The following IRAK2 variants were observed in gnomAD, a reference collection of about 807,000 sequenced individuals.
IRAK2 encodes interleukin 1 receptor associated kinase 2.
Under a neutral mutation model 72.0 loss-of-function variants are expected in IRAK2, and 57 were observed. The ratio of observed to expected loss-of-function variants is 0.79; its 90% confidence interval spans 0.64 to 0.99. The LOEUF is 0.99. IRAK2 is among the 50% of genes least tolerant of loss of function. The pLI is 0.00. For missense variants in IRAK2, 790 were observed against 794.4 expected (o/e 0.99, Z 0.07); for synonymous variants, 293 against 312.7 (o/e 0.94, Z 0.67).
At chr3:10,216,911 C>T (rs761688489) in intron 6 of IRAK2, 23 bp from the exon 7 acceptor site, 4 of 1,565,076 alleles carry the variant, frequency 2.6e-6, no homozygotes, top group Middle Eastern at 3.3e-4. Flanking sequence ...ACTCCTCACA[C>T]CTGCACTGAC....
intron 10 of IRAK2, among the ~76,000 whole-genome samples, chr3:10,229,706 A>G (rs530523973): frequency 2.4e-4 from 37 of 152,300 alleles, no homozygotes; most frequent in Admixed American, 1.2e-3. Context: ...CATTGTATGG[A>G]TAGATGACTG....
chr3:10,202,554 C>T (rs973299359), intron 3 of IRAK2, among the ~76,000 whole-genome samples: 3 of 152,010 alleles, frequency 2.0e-5, no homozygotes, highest in Admixed American at 1.3e-4. Flanking sequence ...ACCCAGGAGG[C>T]GGAGGTTGCA....
chr3:10,195,635 G>A (rs1559444400), intron 2 of IRAK2, among the ~76,000 whole-genome samples: 1 of 152,070 alleles, frequency 6.6e-6, no homozygotes, highest in Non-Finnish European at 1.5e-5. Flanking sequence ...TGAGAACAAT[G>A]AGGCTCAGCC....
intron 2 of IRAK2, among the ~76,000 whole-genome samples, chr3:10,197,648 C>T (rs529839231): frequency 7.9e-5 from 12 of 151,326 alleles, no homozygotes; most frequent in East Asian, 5.8e-4. Flanking sequence ...GTCAGGAGAT[C>T]GAGACCATCC....
chr3:10,238,860 C>T lies in IRAK2; in HGVS notation c.1586C>T (p.Thr529Ile), dbSNP rs1398471860. 3 of 1,614,124 alleles carry T rather than the reference C, an allele frequency of 1.9e-6. No individual in the cohort carries two copies. Among genetic ancestry groups the T allele is most frequent in the Admixed American group, 3.3e-5 (2 of 60,010 alleles). The change falls in exon 12 of 13, where the codon ACA becomes ATA. Residue 529 changes from threonine to isoleucine, a missense_variant. Transcript: ENST00000256458. ...TCTTCTTCCAACACCCCAGAGGAAA[C>T]AGACGACGTTGACAATTCCAGCCTT... is the stretch of plus-strand genomic sequence containing the variant. ...TGSSSNTPEE[T>I]DDVDNSSLDA...
intron 1 of IRAK2, among the ~76,000 whole-genome samples, chr3:10,167,666 C>G (rs112582329): frequency 1.3e-5 from 2 of 151,824 alleles, no homozygotes; most frequent in African/African-American, 4.8e-5. Flanking sequence ...CCACCTACCT[C>G]GGCTTCCCAA....
intron 1 of IRAK2, among the ~76,000 whole-genome samples, chr3:10,176,472 T>C (rs7432698): frequency 6.6e-6 from 1 of 151,150 alleles, no homozygotes; most frequent in Non-Finnish European, 1.5e-5. Flanking sequence ...GGCTACTTTG[T>C]TTATTTATTT....
intron 11 of IRAK2, among the ~76,000 whole-genome samples, chr3:10,237,541 C>T (rs1479237411): frequency 1.3e-5 from 2 of 152,110 alleles, no homozygotes; most frequent in Non-Finnish European, 2.9e-5. Flanking sequence ...GGTGCGGTGG[C>T]TCACGCCTGT....
chr3:10,177,538 T>G (rs939352639), intron 1 of IRAK2, among the ~76,000 whole-genome samples: 1 of 152,150 alleles, frequency 6.6e-6, no homozygotes, highest in African/African-American at 2.4e-5. Context: ...TAGTACCCAC[T>G]GAGGCTCCCA....
chr3:10,222,433 A>C (rs1697711453), intron 8 of IRAK2, among the ~76,000 whole-genome samples: 1 of 152,118 alleles, frequency 6.6e-6, no homozygotes, highest in Non-Finnish European at 1.5e-5. Context: ...TCTGAACTCC[A>C]TCTCCATTTG....
chr3:10,211,326 G>A (rs986331048), intron 4 of IRAK2, among the ~76,000 whole-genome samples: 9 of 150,176 alleles, frequency 6.0e-5, no homozygotes, highest in Non-Finnish European at 1.3e-4. Context: ...ATTTTTAGTA[G>A]AGACACGGTT....
chr3:10,167,445 C>T lies in IRAK2; in HGVS notation c.94+2397C>T, dbSNP rs554209384. Among the ~76,000 whole-genome samples, 115 of 150,688 alleles carry T rather than the reference C, an allele frequency of 7.6e-4. 3 individuals carry two copies. In the South Asian group the frequency reaches 0.023, roughly 30 times the overall value. On this transcript the variant is annotated intron_variant, in intron 1 of 12. Coordinates refer to ENST00000256458, the MANE Select transcript of IRAK2 (RefSeq NM_001570.4). ...TTTTTTTTTTTTTGAGACGGAGTCT[C>T]GCTTTGTCACCCAGGCTGGAGTGCA...
At chr3:10,179,984 GA>G (rs1696936909) in intron 2 of IRAK2, among the ~76,000 whole-genome samples, 1 of 152,218 alleles carries the variant, frequency 6.6e-6, no homozygotes, top group Non-Finnish European at 1.5e-5. Flanking sequence ...TGTCTGGGTT[GA>G]AGGTTTTTGC....
intron 1 of IRAK2, 107 bp from the exon 2 acceptor site, chr3:10,177,731 G>A (rs1170262826): frequency 1.9e-6 from 2 of 1,080,528 alleles, no homozygotes; most frequent in Non-Finnish European, 2.8e-6. Context: ...TGGAGGCGGT[G>A]GTTGGGGAGG....
chr3:10,220,076 G>A (rs908911764), intron 8 of IRAK2, among the ~76,000 whole-genome samples: 10 of 152,172 alleles, frequency 6.6e-5, no homozygotes, highest in African/African-American at 2.4e-4. Flanking sequence ...ACACCTTGCT[G>A]CGTCGCACTG....
At chr3:10,218,442 A>ACAC (rs1559450038) in intron 7 of IRAK2, among the ~76,000 whole-genome samples, 2 of 134,688 alleles carry the variant, frequency 1.5e-5, no homozygotes, top group Non-Finnish European at 3.3e-5. Context: ...AAAAAAAAAA[A>ACAC]AAACCAAAAC....
chr3:10,234,387 G>A, intron 10 of IRAK2, 72 bp from the exon 11 acceptor site: 2 of 1,286,708 alleles, frequency 1.6e-6, no homozygotes, highest in Non-Finnish European at 2.3e-6. Flanking sequence ...CTCTGGAGGT[G>A]AGTGGGGCGC....
Position 10,164,925 on chromosome 3 carries a change from C to G in IRAK2, c.-30C>G, listed in dbSNP as rs778659393. ...AGCCCGCAGTGTCCGACCCAGTCGTCCCGCGCCGGAGCCGGCCCCGTAGCG... is the reference window on the plus strand; with the variant it reads ...AGCCCGCAGTGTCCGACCCAGTCGTGCCGCGCCGGAGCCGGCCCCGTAGCG... On this transcript the variant is annotated 5_prime_UTR_variant, in exon 1 of 13. Coordinates refer to ENST00000256458, the MANE Select transcript of IRAK2 (RefSeq NM_001570.4). 1 of 1,548,674 alleles carries G rather than the reference C, an allele frequency of 6.5e-7. No individual in the cohort carries two copies. The highest frequency in any genetic ancestry group is 8.8e-7 in the Non-Finnish European group (1 of 1,137,958).
intron 1 of IRAK2, among the ~76,000 whole-genome samples, chr3:10,165,554 G>A (rs1696670149): frequency 6.6e-6 from 1 of 151,996 alleles, no homozygotes; most frequent in South Asian, 2.1e-4. Flanking sequence ...GGAGTGCAAT[G>A]GCACGGTCTC....
Sources: allele counts gnomAD v4.1 joint callset (sites outside exome capture counted in the v4.1 genomes callset), GRCh38; gene constraint gnomAD v4.1.1; transcripts MANE v1.5; gene names NCBI Gene and HGNC (gene_info 2026-07-23, HGNC 2026-07-21).